TAAR5: variants seen among roughly 807,000 people sequenced by gnomAD.
TAAR5 encodes the protein trace amine-associated receptor 5.
TAAR5 carries 27 observed loss-of-function variants against 21.1 expected under a neutral mutation model. That is an observed-to-expected ratio of 1.28 (90% CI 0.94 to 1.76). The LOEUF is 1.76. TAAR5 is among the 40% of genes most tolerant of loss of function. The pLI is 0.00. For synonymous variants in TAAR5, 203 were observed against 167.5 expected (o/e 1.21, Z -1.64); for missense variants, 495 against 405.6 (o/e 1.22, Z -1.89).
chr6:132,591,647 G>A (rs1236330835), upstream of TAAR5, among the ~76,000 whole-genome samples: 1 of 152,060 alleles, frequency 6.6e-6, no homozygotes, highest in Non-Finnish European at 1.5e-5. Context: ...ACATATAATT[G>A]GCCAAGGAGT....
the TAAR5 span, among the ~76,000 whole-genome samples, chr6:132,607,767 A>T: frequency 6.6e-6 from 1 of 152,156 alleles, no homozygotes; most frequent in South Asian, 2.1e-4. Flanking sequence ...TTCTCCCAAA[A>T]CATATGATAA....
At chr6:132,604,283 C>T in the TAAR5 span, among the ~76,000 whole-genome samples, 7 of 151,542 alleles carry the variant, frequency 4.6e-5, no homozygotes. Context: ...AGCTGGACTA[C>T]ATGAGCGTGC....
In TAAR5 at chr6:132,588,878, A is replaced by G. The variant is rs1776855198; in HGVS notation, c.809T>C (p.Ile270Thr). Residue 270 changes from isoleucine to threonine, a missense_variant, in exon 1 of 1, where the codon ATA becomes ACA. Ile to Thr is a moderately conservative substitution (Grantham distance 89). Transcript: ENST00000258034. Reference sequence around the variant, plus strand: ...AAGGAGGCTGTCGACCATCGTGTCTATGGTGAAGGGCAGCCAGCACAAGAG... The same window carrying G: ...AAGGAGGCTGTCGACCATCGTGTCTGTGGTGAAGGGCAGCCAGCACAAGAG... ...IYLLCWLPFT[I>T]DTMVDSLLHF... 5 of 1,614,102 alleles carry G rather than the reference A, an allele frequency of 3.1e-6. No individual in the cohort carries two copies. Among genetic ancestry groups the G allele is most frequent in the East Asian group, 2.2e-5 (1 of 44,866 alleles).
chr6:132,589,292 C>T lies in TAAR5; in HGVS notation c.395G>A (p.Arg132His), dbSNP rs756342868. The T allele has an allele frequency of 8.1e-6, 13 of 1,611,856 alleles. No homozygotes were observed. The highest frequency in any genetic ancestry group is 4.5e-5 in the East Asian group (2 of 44,854). The part of the protein sequence containing the change: ...IFHLCFISID[R>H]HCAICDPLLY... ...CAGGGGGTCACAGATGGCACAGTGG[C>T]GGTCAATGGAAATGAAACAGAGATG... is the stretch of plus-strand genomic sequence containing the variant. The change falls in exon 1 of 1, where the codon CGC (arginine) becomes CAC (histidine). Residue 132 changes from arginine (R) to histidine (H), a missense_variant. Arg to His is a conservative substitution (Grantham distance 29). Transcript: ENST00000258034.
chr6:132,596,692 A>G, the TAAR5 span, among the ~76,000 whole-genome samples: 1 of 152,152 alleles, frequency 6.6e-6, no homozygotes, highest in African/African-American at 2.4e-5. Context: ...ATATTAAACA[A>G]TTAAGTTGTA....
At chr6:132,592,140 T>C (rs1196956106), upstream of TAAR5, among the ~76,000 whole-genome samples, 3 of 152,260 alleles carry the variant, frequency 2.0e-5, no homozygotes, top group East Asian at 3.8e-4. Context: ...TAGGGATTCA[T>C]TAATGTTGCA....
In TAAR5 at chr6:132,589,343, G is replaced by A; in HGVS notation, c.344C>T (p.Thr115Ile). 6.2e-7 allele frequency: 1 copy of A among 1,614,036 alleles called. No homozygotes were observed. The highest frequency in any genetic ancestry group is 2.2e-5 in the East Asian group (1 of 44,852). The change falls in exon 1 of 1, where the codon ACC becomes ATC. Residue 115 changes from threonine to isoleucine, a missense_variant. Physicochemically the swap from Thr to Ile is moderately conservative, Grantham distance 89. Coordinates refer to ENST00000258034, the MANE Select transcript of TAAR5 (RefSeq NM_003967.3). ...FLCRLHTYLD[T>I]LFCLTSIFHL... The stretch of plus-strand genomic sequence containing the variant: ...GAAGATGGAGGTGAGGCAGAAGAGG[G>A]TGTCCAGGTAGGTGTGCAGGCGGCA...
At chr6:132,590,195 T>C (rs1461583273), upstream of TAAR5, among the ~76,000 whole-genome samples, 2 of 152,256 alleles carry the variant, frequency 1.3e-5, no homozygotes, top group Non-Finnish European at 2.9e-5. Flanking sequence ...TTCTAGCTTC[T>C]CTCTTTAAGA....
At chr6:132,607,391 C>T in the TAAR5 span, among the ~76,000 whole-genome samples, 1 of 151,958 alleles carries the variant, frequency 6.6e-6, no homozygotes, top group Non-Finnish European at 1.5e-5. Flanking sequence ...TAATACTTCA[C>T]AGAAAAATCA....
At chr6:132,615,683 C>T in the TAAR5 span, among the ~76,000 whole-genome samples, 13 of 151,908 alleles carry the variant, frequency 8.6e-5, no homozygotes, top group African/African-American at 3.1e-4. Flanking sequence ...CTGTCATCCT[C>T]ACTAGAACAC....
upstream of TAAR5, among the ~76,000 whole-genome samples, chr6:132,591,171 AC>A (rs1380839491): frequency 2.0e-5 from 3 of 152,208 alleles, no homozygotes; most frequent in Admixed American, 6.5e-5. Context: ...AAGAGTAGGT[AC>A]AATTATACCT....
Position 132,589,638 on chromosome 6 carries a change from A to G in TAAR5, c.49T>C (p.Cys17Arg). The part of the protein sequence containing the change: ...QGAEEHPAAF[C>R]YQVNGSCPRT... Reference sequence around the variant, plus strand: ...GGGCAAGACCCATTCACCTGGTAGCAGAATGCCGCAGGGTGCTCTTCAGCA... The same window carrying G: ...GGGCAAGACCCATTCACCTGGTAGCGGAATGCCGCAGGGTGCTCTTCAGCA... The change falls in exon 1 of 1, where the codon TGC becomes CGC. Residue 17 changes from cysteine to arginine, a missense_variant. Physicochemically the swap from Cys to Arg is radical, Grantham distance 180. Transcript: ENST00000258034. The G allele has an allele frequency of 6.2e-7, 1 of 1,610,078 alleles. No homozygotes were observed. Among genetic ancestry groups the G allele is most frequent in the Non-Finnish European group, 8.5e-7 (1 of 1,178,054 alleles).
At chr6:132,613,315 T>A in the TAAR5 span, among the ~76,000 whole-genome samples, 3 of 152,198 alleles carry the variant, frequency 2.0e-5, no homozygotes, top group Non-Finnish European at 4.4e-5. Context: ...TCATAACCTG[T>A]TTATACGTTC....
At chr6:132,613,840 C>T in the TAAR5 span, among the ~76,000 whole-genome samples, 4 of 152,288 alleles carry the variant, frequency 2.6e-5, no homozygotes, top group East Asian at 1.9e-4. Flanking sequence ...TGTACATGTG[C>T]TCTACATGGC....
At chr6:132,597,135 C>T in the TAAR5 span, among the ~76,000 whole-genome samples, 2 of 152,028 alleles carry the variant, frequency 1.3e-5, no homozygotes, top group Non-Finnish European at 2.9e-5. Context: ...TTAACCTCCT[C>T]AGTTTGTAAA....
the TAAR5 span, among the ~76,000 whole-genome samples, chr6:132,600,713 A>G: frequency 6.6e-6 from 1 of 152,010 alleles, no homozygotes; most frequent in Admixed American, 6.6e-5. Context: ...ACTAATATAC[A>G]ATAAAGATAA....
At chr6:132,604,522 G>T in the TAAR5 span, among the ~76,000 whole-genome samples, 10 of 151,890 alleles carry the variant, frequency 6.6e-5, no homozygotes, top group Admixed American at 2.0e-4. Flanking sequence ...AAAAAAATTA[G>T]CCAAATGGAA....
the TAAR5 span, among the ~76,000 whole-genome samples, chr6:132,603,906 A>G: frequency 6.6e-6 from 1 of 151,606 alleles, no homozygotes; most frequent in Non-Finnish European, 1.5e-5. Flanking sequence ...CTGGTCTGTA[A>G]TTGTCACTTG....
the TAAR5 span, among the ~76,000 whole-genome samples, chr6:132,604,134 TTTTTTTCTTTTC>T: frequency 1.4e-5 from 2 of 141,194 alleles, no homozygotes; most frequent in African/African-American, 2.6e-5. Context: ...TTTTCTTTTC[TTTTTTTCTTTTC>T]TTTTTTTTTT....
Sources: allele counts gnomAD v4.1 joint callset (sites outside exome capture counted in the v4.1 genomes callset), GRCh38; gene constraint gnomAD v4.1.1; transcripts MANE v1.5; gene names NCBI Gene and HGNC (gene_info 2026-07-23, HGNC 2026-07-21).